Variants in WDR35 observed in about 807,000 individuals in gnomAD.
WDR35 encodes WD repeat-containing protein 35.
A neutral mutation model predicts 158.3 loss-of-function variants in WDR35; 118 were observed. That is an observed-to-expected ratio of 0.75 (90% CI 0.64 to 0.87). The LOEUF (loss-of-function observed/expected upper bound fraction) is 0.87. Ranked by LOEUF, WDR35 falls within the 40% of genes least tolerant of loss-of-function variation. The pLI is 0.00. For missense variants in WDR35, 1,263 were observed against 1,405.8 expected, an observed-to-expected ratio of 0.90 and a Z score of 1.62; for synonymous variants, 448 against 476.1, an observed-to-expected ratio of 0.94 and a Z score of 0.77.
intron 6 of WDR35, among the ~76,000 whole-genome samples, 153 bp from the exon 7 acceptor site, chr2:19,974,786 C>T (rs886829352): frequency 6.6e-6 from 1 of 152,058 alleles, no homozygotes; most frequent in African/African-American, 2.4e-5. Context: ...GTATACAGGC[C>T]ATGGACAAAT....
rs754703472 is a variant in WDR35, at chr2:19,989,983, G to A, written c.24+9C>T. On this transcript the variant is annotated intron_variant, in intron 1 of 26. Coordinates refer to ENST00000281405, the MANE Select transcript of WDR35 (RefSeq NM_020779.4). ...GCGGAGAAACGAGGACGCCCCCCAG[G>A]AAACTCACTTTCTTGCTCAGGTAGA... The A allele has an allele frequency of 3.3e-5, 53 of 1,613,832 alleles. No individual in the cohort carries two copies. The highest frequency in any genetic ancestry group is 4.5e-5 in the Non-Finnish European group (53 of 1,179,930).
rs1670752876 is a variant in WDR35 at position 19,937,908 on chromosome 2, AG to A, written c.2101del (p.Leu701TyrfsTer20). 8.7e-6 allele frequency: 14 copies of A among 1,614,062 alleles called. No individual in the cohort carries two copies. In the East Asian group the frequency reaches 2.9e-4, roughly 33 times the overall value. ...LAEAALQKLD[L>X]YTAEQAFVRC... The stretch of plus-strand genomic sequence containing the variant: ...CACAAATGCTTGCTCTGCAGTGTAT[AG>A]ATCCAGTTTCTGAAGAGCTGCTTCA... On this transcript the variant is annotated frameshift_variant, in exon 19 of 27. Coordinates refer to ENST00000281405, the MANE Select transcript of WDR35 (RefSeq NM_020779.4). LOFTEE classifies it high-confidence loss of function.
chr2:19,985,182 C>T (rs554724252), intron 2 of WDR35, among the ~76,000 whole-genome samples: 1 of 152,276 alleles, frequency 6.6e-6, no homozygotes, highest in East Asian at 1.9e-4. Context: ...TGTTGGCTTC[C>T]AGGGCTCTCT....
intron 8 of WDR35, among the ~76,000 whole-genome samples, chr2:19,971,269 G>A (rs924753256): frequency 4.6e-5 from 7 of 152,144 alleles, no homozygotes; most frequent in African/African-American, 7.2e-5. Flanking sequence ...TTGAATGTCT[G>A]TCCCCTCCAA....
chr2:19,972,423 T>TA (rs1672059934), intron 8 of WDR35, among the ~76,000 whole-genome samples: 1 of 152,028 alleles, frequency 6.6e-6, no homozygotes, highest in Non-Finnish European at 1.5e-5. Flanking sequence ...AATAAGCAGA[T>TA]AAAACATTAT....
intron 17 of WDR35, 134 bp from the exon 18 acceptor site, chr2:19,938,535 G>C: frequency 8.4e-7 from 1 of 1,190,408 alleles, no homozygotes; most frequent in Non-Finnish European, 1.2e-6. Flanking sequence ...ATAAGGAAGA[G>C]AAATCTTCAC....
intron 25 of WDR35, among the ~76,000 whole-genome samples, chr2:19,915,268 T>C (rs1669955858): frequency 6.6e-6 from 1 of 152,160 alleles, no homozygotes; most frequent in African/African-American, 2.4e-5. Flanking sequence ...TCCTATAAAC[T>C]GGTTCTGGGG....
intron 11 of WDR35, 99 bp downstream of exon 11, chr2:19,960,455 A>G (rs1438184048): frequency 3.0e-6 from 3 of 989,026 alleles, no homozygotes; most frequent in African/African-American, 3.2e-5. Context: ...CTCGTTTTAG[A>G]AAACACCATT....
chr2:19,935,418 A>T, intron 21 of WDR35, 53 bp downstream of exon 21: 1 of 1,596,844 alleles, frequency 6.3e-7, no homozygotes, highest in South Asian at 1.1e-5. Flanking sequence ...CTATAACATA[A>T]AATTTTATAA....
chr2:19,940,822 C>T (rs1304457662), intron 17 of WDR35, among the ~76,000 whole-genome samples: 2 of 152,172 alleles, frequency 1.3e-5, no homozygotes, highest in Middle Eastern at 3.2e-3. Context: ...CTGTGCTGTC[C>T]AGCCATTTCT....
At position 19,938,325 on chromosome 2, in the gene WDR35, T is replaced by C; in HGVS notation, c.2003A>G (p.Glu668Gly). 1 of 1,614,072 alleles carries C rather than the reference T, an allele frequency of 6.2e-7. No individual in the cohort carries two copies. The highest frequency in any genetic ancestry group is 8.5e-7 in the Non-Finnish European group (1 of 1,180,026). ...RSLRDSRALI[E>G]KVGIKDASQF... ...AGATGCATCTTTAATTCCAACCTTC[T>C]CAATCAGTGCTCGGCTATCTCGCAG... The change falls in exon 18 of 27, where the codon GAG becomes GGG. Residue 668 changes from glutamate to glycine, a missense_variant. Physicochemically the swap from Glu to Gly is moderately conservative, Grantham distance 98. Coordinates refer to ENST00000281405, the MANE Select transcript of WDR35 (RefSeq NM_020779.4).
Position 19,966,800 on chromosome 2 carries a change from A to C in WDR35, c.1118T>G (p.Val373Gly). 6.2e-7 allele frequency: 1 copy of C among 1,614,028 alleles called. No homozygotes were observed. The highest frequency in any genetic ancestry group is 8.5e-7 in the Non-Finnish European group (1 of 1,179,964). Residue 373 changes from valine (V) to glycine (G), a missense_variant, in exon 10 of 27, where the codon GTG becomes GGG. By Grantham distance (109) the Val-to-Gly change is moderately radical (BLOSUM62 -3). Coordinates refer to ENST00000281405, the MANE Select transcript of WDR35 (RefSeq NM_020779.4). ...TKNNEKYVKY[V>G]KGLISITTCG... ...GGTAGTAATAGAAATGAGACCCTTC[A>C]CATATTTAACATATTTTTCATTGTT...
chr2:19,943,063 C>T (rs1670929089), intron 16 of WDR35, among the ~76,000 whole-genome samples: 1 of 151,966 alleles, frequency 6.6e-6, no homozygotes, highest in Non-Finnish European at 1.5e-5. Context: ...TTGCATATAC[C>T]TAACTAAGTG....
At chr2:19,925,133 G>C (rs1324422260) in intron 25 of WDR35, among the ~76,000 whole-genome samples, 1 of 152,214 alleles carries the variant, frequency 6.6e-6, no homozygotes. Flanking sequence ...TGAGCCTTCT[G>C]CCTGGGGAAC....
intron 25 of WDR35, among the ~76,000 whole-genome samples, chr2:19,928,870 G>A (rs1159534318): frequency 5.3e-5 from 8 of 151,354 alleles, no homozygotes; most frequent in Non-Finnish European, 8.8e-5. Context: ...GCAGCGGTGC[G>A]ATCTCGGCTC....
At position 19,930,324 on chromosome 2, in the gene WDR35, T is replaced by C. The variant is rs902301443; in HGVS notation, c.3121+72A>G. The C allele has an allele frequency of 6.2e-6, 10 of 1,606,754 alleles. No individual in the cohort carries two copies. The South Asian group carries it at 7.7e-5, about 12-fold the overall frequency. ...TTATTGAAGGCCACATAAAGGCAAA[T>C]TGAAGAAGCTAGCCCTTCATACTCA... is the stretch of plus-strand genomic sequence containing the variant. On this transcript the variant is annotated intron_variant, in intron 25 of 26. Transcript: ENST00000281405.
chr2:19,980,761 C>G lies in WDR35; in HGVS notation c.237G>C (p.Trp79Cys), dbSNP rs776051119. Residue 79 changes from tryptophan to cysteine, a missense_variant, in exon 4 of 27, where the codon TGG becomes TGC. Coordinates refer to ENST00000281405, the MANE Select transcript of WDR35 (RefSeq NM_020779.4). ...GHSGSVQVVTWNEQYQKLTTS... is the reference protein window; with the variant it reads ...GHSGSVQVVTCNEQYQKLTTS... ...TAGTCAACTTCTGATACTGCTCATT[C>G]CATGTTACAACTTGAACAGAACCTA... 5.6e-6 allele frequency: 9 copies of G among 1,613,710 alleles called. No homozygotes were observed. Among genetic ancestry groups the G allele is most frequent in the Non-Finnish European group, 7.6e-6 (9 of 1,179,788 alleles).
At chr2:19,951,728 A>C in intron 12 of WDR35, 1 of 362,572 alleles carries the variant, frequency 2.8e-6, no homozygotes, top group Non-Finnish European at 5.0e-6. Context: ...TGAACATTTC[A>C]TCATATATTC....
chr2:19,922,423 C>T (rs539041983), intron 25 of WDR35, among the ~76,000 whole-genome samples: 3 of 152,168 alleles, frequency 2.0e-5, no homozygotes, highest in East Asian at 1.9e-4. Flanking sequence ...TTTGGAGGGA[C>T]GTGGATGAAG....
Sources: gnomAD v4.1 joint callset for allele counts (sites outside exome capture counted in the v4.1 genomes callset) on GRCh38, gnomAD v4.1.1 for gene constraint, MANE v1.5 for transcripts, NCBI Gene and HGNC (gene_info 2026-07-23, HGNC 2026-07-21) for gene names.